The following TMEM131 variants were observed in gnomAD, a reference collection of about 807,000 sequenced individuals.
TMEM131 encodes the protein 2610524E03Rik.
A neutral mutation model predicts 211.6 loss-of-function variants in TMEM131; 66 were observed. That is an observed-to-expected ratio of 0.31 (90% CI 0.26 to 0.38). TMEM131 has a LOEUF of 0.38. Among genes scored for constraint, TMEM131 ranks in the 10% least tolerant of loss-of-function variants. The pLI, the probability that TMEM131 is intolerant of heterozygous loss-of-function variation, is 1.00. For synonymous variants in TMEM131, 844 were observed against 841.3 expected (o/e 1.00, Z -0.06); for missense variants, 2,036 against 2,299.3 (o/e 0.89, Z 2.34).
chr2:97,854,560 G>A (rs921542693), intron 5 of TMEM131, among the ~76,000 whole-genome samples: 1 of 152,070 alleles, frequency 6.6e-6, no homozygotes, highest in Admixed American at 6.6e-5. Context: ...TATTTTTGAT[G>A]AACAATGATC....
intron 7 of TMEM131, among the ~76,000 whole-genome samples, chr2:97,838,218 T>C (rs573790040): frequency 1.3e-5 from 2 of 152,206 alleles, no homozygotes; most frequent in East Asian, 3.9e-4. Flanking sequence ...GGTAAATATA[T>C]ATACACAAAA....
chr2:97,959,997 T>C (rs1573618215), intron 1 of TMEM131, among the ~76,000 whole-genome samples: 1 of 152,164 alleles, frequency 6.6e-6, no homozygotes, highest in East Asian at 1.9e-4. Context: ...TCAGGGCAAA[T>C]ATTTTTGGTA....
At chr2:97,773,622 C>G (rs1486264509) in intron 32 of TMEM131, among the ~76,000 whole-genome samples, 1 of 151,710 alleles carries the variant, frequency 6.6e-6, no homozygotes, top group African/African-American at 2.4e-5. Flanking sequence ...GTCTCCCCAA[C>G]AGGGTACACA....
At chr2:97,869,895 G>A (rs992628369) in intron 4 of TMEM131, among the ~76,000 whole-genome samples, 7 of 152,138 alleles carry the variant, frequency 4.6e-5, no homozygotes, top group East Asian at 1.9e-4. Context: ...TTATCTGCTC[G>A]AGGTCTCACA....
chr2:97,865,084 G>A (rs1442632969), intron 4 of TMEM131, among the ~76,000 whole-genome samples: 4 of 152,244 alleles, frequency 2.6e-5, no homozygotes, highest in Non-Finnish European at 4.4e-5. Context: ...TTATGTGTAT[G>A]TATGGAACTG....
At chr2:97,785,701 C>T (rs908051326) in intron 31 of TMEM131, among the ~76,000 whole-genome samples, 1 of 152,206 alleles carries the variant, frequency 6.6e-6, no homozygotes, top group African/African-American at 2.4e-5. Flanking sequence ...TGTGTTCATA[C>T]AAAAACTTGT....
chr2:97,948,611 A>G (rs1678154109), intron 1 of TMEM131, among the ~76,000 whole-genome samples: 2 of 152,190 alleles, frequency 1.3e-5, no homozygotes, highest in African/African-American at 4.8e-5. Context: ...TAACGGGAAT[A>G]TAAAATGGTG....
chr2:97,941,994 T>C (rs62156514), intron 1 of TMEM131, among the ~76,000 whole-genome samples: 7,636 of 152,256 alleles, frequency 0.05, 290 homozygotes, highest in Middle Eastern at 0.092. Flanking sequence ...CAAAGGATTA[T>C]AAATCATGCT....
At chr2:97,972,565 G>A (rs865783258) in intron 1 of TMEM131, among the ~76,000 whole-genome samples, 2 of 152,172 alleles carry the variant, frequency 1.3e-5, no homozygotes, top group African/African-American at 4.8e-5. Context: ...ATCAATCTGT[G>A]GTGGGCAAAA....
At chr2:97,897,943 T>C (rs1315068184) in intron 3 of TMEM131, among the ~76,000 whole-genome samples, 1 of 152,154 alleles carries the variant, frequency 6.6e-6, no homozygotes, top group Non-Finnish European at 1.5e-5. Context: ...TTTTAATAAT[T>C]TGTATCTTTC....
chr2:97,992,428 A>G (rs1172856532), intron 1 of TMEM131, among the ~76,000 whole-genome samples: 1 of 152,242 alleles, frequency 6.6e-6, no homozygotes, highest in African/African-American at 2.4e-5. Flanking sequence ...TTAAAGTCCT[A>G]ATAAAGGCTG....
intron 18 of TMEM131, among the ~76,000 whole-genome samples, chr2:97,810,792 G>A (rs1364111315): frequency 6.6e-6 from 1 of 152,116 alleles, no homozygotes; most frequent in Non-Finnish European, 1.5e-5. Context: ...TATGATTGTA[G>A]GAACAATCAG....
chr2:97,794,782 C>T (rs1232755506), intron 29 of TMEM131, 148 bp downstream of exon 29: 5 of 585,518 alleles, frequency 8.5e-6, no homozygotes, highest in African/African-American at 1.9e-5. Context: ...TTAACTGTTC[C>T]CACCAGTCTG....
At chr2:97,885,066 C>G (rs1275219305) in intron 4 of TMEM131, among the ~76,000 whole-genome samples, 1 of 152,178 alleles carries the variant, frequency 6.6e-6, no homozygotes, top group Non-Finnish European at 1.5e-5. Context: ...TTGGGCTCTA[C>G]CAGTGAATTT....
At chr2:97,883,978 T>C (rs1345001522) in intron 4 of TMEM131, among the ~76,000 whole-genome samples, 1 of 152,194 alleles carries the variant, frequency 6.6e-6, no homozygotes, top group Admixed American at 6.5e-5. Flanking sequence ...AGGCTTTGAT[T>C]TGTTCTTTTC....
At chr2:97,765,338 G>A (rs1172495351) in intron 35 of TMEM131, 1 of 152,366 alleles carries the variant, frequency 6.6e-6, no homozygotes, top group East Asian at 1.9e-4. Flanking sequence ...CAGTGAGCCT[G>A]CCCTTCGTCC....
intron 35 of TMEM131, chr2:97,764,231 C>T (rs951485681): frequency 6.6e-6 from 1 of 152,256 alleles, no homozygotes; most frequent in African/African-American, 2.4e-5. Context: ...CCCCAAGGAA[C>T]TGCACTAAGC....
intron 2 of TMEM131, among the ~76,000 whole-genome samples, chr2:97,909,537 TG>T (rs1463545567): frequency 1.3e-5 from 2 of 152,214 alleles, no homozygotes; most frequent in African/African-American, 2.4e-5. Context: ...AAGTTCTTAT[TG>T]ATGTACGAGA....
At chr2:97,866,257 G>A (rs533196691) in intron 4 of TMEM131, among the ~76,000 whole-genome samples, 2 of 152,272 alleles carry the variant, frequency 1.3e-5, no homozygotes, top group South Asian at 2.1e-4. Context: ...CTATTTCTCC[G>A]TGAGTCAGTT....
Sources: gnomAD v4.1 joint callset for allele counts (sites outside exome capture counted in the v4.1 genomes callset) on GRCh38, gnomAD v4.1.1 for gene constraint, MANE v1.5 for transcripts, NCBI Gene and HGNC (gene_info 2026-07-23, HGNC 2026-07-21) for gene names.